The following DGKZ variants were observed in gnomAD, a reference collection of about 807,000 sequenced individuals.
The protein encoded by DGKZ is diacylglycerol kinase zeta, also known as DAG kinase zeta.
A neutral mutation model predicts 142.5 loss-of-function variants in DGKZ; 45 were observed. The ratio of observed to expected loss-of-function variants is 0.32; its 90% CI spans 0.25 to 0.40. DGKZ has a LOEUF of 0.40. Ranked by LOEUF, DGKZ falls within the 10% of genes least tolerant of loss-of-function variation. DGKZ has a pLI of 1.00. For synonymous variants in DGKZ, 442 were observed against 527.0 expected (o/e 0.84, Z 2.21); for missense variants, 755 against 1,306.5 (o/e 0.58, Z 6.51).
At position 46,378,984 on chromosome 11, in the gene DGKZ, C is replaced by A; in HGVS notation, c.2419-7C>A. On this transcript the variant is annotated splice_region_variant and splice_polypyrimidine_tract_variant and intron_variant, in intron 27 of 30. Transcript: ENST00000527911. ...AGGTCCAGCCCTGCCATGCCTCCTG[C>A]CCTCAGCTCCAGGAGCTGCACCGAG... is the stretch of plus-strand genomic sequence containing the variant. 1 of 1,537,856 alleles carries A rather than the reference C, an allele frequency of 6.5e-7. No individual in the cohort carries two copies.
At chr11:46,369,816 C>A (rs1403823856) in intron 5 of DGKZ, 125 bp from the exon 6 acceptor site, 5 of 1,066,858 alleles carry the variant, frequency 4.7e-6, no homozygotes, top group African/African-American at 1.6e-5. Context: ...TTAGCCCCTC[C>A]TCCACTCATG....
chr11:46,373,297 T>G (rs1197902980), intron 14 of DGKZ, among the ~76,000 whole-genome samples, 196 bp downstream of exon 14: 112 of 143,196 alleles, frequency 7.8e-4, no homozygotes, highest in Admixed American at 2.0e-3. Flanking sequence ...TTTTTTTTTT[T>G]TTTTTTTGAG....
intron 1 of DGKZ, among the ~76,000 whole-genome samples, chr11:46,361,139 A>G (rs1007682748): frequency 5.3e-5 from 8 of 152,250 alleles, no homozygotes; most frequent in African/African-American, 1.9e-4. Context: ...GAAACACTCC[A>G]CAGATACTTA....
rs114535160 is a variant in DGKZ at position 46,336,961 on chromosome 11, C to T, written c.212+3474C>T. Among the ~76,000 whole-genome samples, 1,291 of 152,196 alleles carry T rather than the reference C, an allele frequency of 8.5e-3. 24 individuals carry two copies. The highest frequency in any genetic ancestry group is 0.03 in the African/African-American group (1,228 of 41,518). Reference sequence around the variant, plus strand: ...GCTTAAGCACAAGAATTCGAGGCTGCGGTGAGCCACAATTGCGCCACTGCA... The same window carrying T: ...GCTTAAGCACAAGAATTCGAGGCTGTGGTGAGCCACAATTGCGCCACTGCA... On this transcript the variant is annotated intron_variant, in intron 1 of 30. Coordinates refer to the DGKZ transcript ENST00000343674.
upstream of DGKZ, among the ~76,000 whole-genome samples, chr11:46,344,515 G>A (rs970765676): frequency 4.7e-5 from 7 of 149,054 alleles, no homozygotes; most frequent in Admixed American, 4.0e-4. Context: ...GTGCAGTGGC[G>A]CGAACTCGGC....
chr11:46,353,060 C>G (rs964670520), intron 1 of DGKZ, among the ~76,000 whole-genome samples: 1 of 152,248 alleles, frequency 6.6e-6, no homozygotes, highest in African/African-American at 2.4e-5. Context: ...GAGGGAGAGG[C>G]TGAAGAGACA....
intron 1 of DGKZ, among the ~76,000 whole-genome samples, chr11:46,354,634 A>G (rs1247560309): frequency 6.6e-6 from 1 of 152,336 alleles, no homozygotes; most frequent in Middle Eastern, 3.4e-3. Flanking sequence ...TTTGCTTTAG[A>G]TAGAGATGGA....
intron 25 of DGKZ, chr11:46,377,641 T>C (rs1944707297): frequency 4.4e-6 from 1 of 225,606 alleles, no homozygotes; most frequent in Non-Finnish European, 8.7e-6. Flanking sequence ...TAGAAGCTTC[T>C]TTCTCAGCAG....
intron 29 of DGKZ, 40 bp from the exon 30 acceptor site, chr11:46,379,429 G>A (rs1944960319): frequency 1.3e-6 from 2 of 1,594,710 alleles, no homozygotes; most frequent in African/African-American, 1.3e-5. Flanking sequence ...GGTGGATCAG[G>A]GGACGGGATG....
chr11:46,364,139 G>A (rs957096948), intron 1 of DGKZ, among the ~76,000 whole-genome samples: 3 of 152,222 alleles, frequency 2.0e-5, no homozygotes, highest in African/African-American at 7.2e-5. Flanking sequence ...GTTCCAGGAG[G>A]AAGGACCCTG....
At position 46,369,985 on chromosome 11, in the gene DGKZ, C is replaced by T. The variant is rs534767600; in HGVS notation, c.546C>T (p.Asp182=). ...ACTGGGTACACAGACGACGCCAGGA[C>T]GGCAAGTGTCGGCACTGTGGGAAGG... The change falls in exon 6 of 31, where the codon GAC becomes GAT. Residue 182 remains aspartate (D), a synonymous_variant. Coordinates refer to ENST00000527911, the Ensembl canonical transcript of DGKZ. 2.9e-5 allele frequency: 46 copies of T among 1,613,728 alleles called. No homozygotes were observed. The Admixed American group carries it at 4.3e-4, about 15-fold the overall frequency.
chr11:46,378,006 T>C (rs1175227710), intron 25 of DGKZ, 192 bp from the exon 26 acceptor site: 2 of 661,700 alleles, frequency 3.0e-6, no homozygotes, highest in Non-Finnish European at 5.3e-6. Context: ...AACTAGAATG[T>C]AAGCTCCATG....
chr11:46,367,432 C>T lies in DGKZ; in HGVS notation c.270+33C>T, dbSNP rs777998831. ...CCTGAACACCCCTGGGTCCCAGACC[C>T]TCTGGGCTCTTGGCCAAGGCGCAGC... On this transcript the variant is annotated intron_variant, in intron 2 of 30. Transcript: ENST00000527911. This position sits in a 1 kb window ranked among gnomAD's most constrained non-coding sequence, Gnocchi z 4.1. 4.4e-6 allele frequency: 7 copies of T among 1,600,806 alleles called. No individual in the cohort carries two copies. Among genetic ancestry groups the T allele is most frequent in the East Asian group, 2.2e-5 (1 of 44,738 alleles).
chr11:46,335,590 A>G (rs1939976841), intron 1 of DGKZ, among the ~76,000 whole-genome samples: 2 of 152,204 alleles, frequency 1.3e-5, no homozygotes, highest in African/African-American at 4.8e-5. Context: ...CCCTGCCTCC[A>G]GGTTACCTGT....
In DGKZ at chr11:46,369,937, C is replaced by G; in HGVS notation, c.502-4C>G. 1 of 1,613,980 alleles carries G rather than the reference C, an allele frequency of 6.2e-7. No individual in the cohort carries two copies. The highest frequency in any genetic ancestry group is 8.5e-7 in the Non-Finnish European group (1 of 1,180,040). On this transcript the variant is annotated splice_polypyrimidine_tract_variant and splice_region_variant and intron_variant, in intron 5 of 30. Coordinates refer to ENST00000527911, the Ensembl canonical transcript of DGKZ. Reference sequence around the variant, plus strand: ...CCAGTGAAATTTTTCCCCTTCTCCCCCAGCCAACCTTTGTACGGCACCACT... The same window carrying G: ...CCAGTGAAATTTTTCCCCTTCTCCCGCAGCCAACCTTTGTACGGCACCACT...
At chr11:46,333,558 C>A in intron 1 of DGKZ, 1 of 1,394,312 alleles carries the variant, frequency 7.2e-7, no homozygotes, top group Admixed American at 2.0e-5. Context: ...ATTGCACAAA[C>A]GTTTATTGTG....
At chr11:46,365,390 G>A in intron 1 of DGKZ, 3 of 985,434 alleles carry the variant, frequency 3.0e-6, no homozygotes, top group Non-Finnish European at 3.6e-6. Context: ...GAGCAGTCGA[G>A]CACCAGAAAG....
Position 46,374,920 on chromosome 11 carries a change from G to A in DGKZ, c.1599-14G>A, listed in dbSNP as rs752253937. Reference sequence around the variant, plus strand: ...ACTGTGTTTTGAGGCCCATGTCATCGCCCGCCTTTGCAGGTACTGTGCGGG... The same window carrying A: ...ACTGTGTTTTGAGGCCCATGTCATCACCCGCCTTTGCAGGTACTGTGCGGG... On this transcript the variant is annotated splice_polypyrimidine_tract_variant and intron_variant, in intron 18 of 30. Transcript: ENST00000527911. The A allele has an allele frequency of 2.4e-5, 38 of 1,580,426 alleles. No homozygotes were observed. The highest frequency in any genetic ancestry group is 3.1e-5 in the Non-Finnish European group (36 of 1,158,078).
At chr11:46,350,720 T>C (rs889067788) in intron 1 of DGKZ, among the ~76,000 whole-genome samples, 4 of 152,198 alleles carry the variant, frequency 2.6e-5, no homozygotes, top group Admixed American at 1.3e-4. Context: ...TTTGCCATCC[T>C]GGCCCCTCTG....
Sources: allele counts gnomAD v4.1 joint callset (sites outside exome capture counted in the v4.1 genomes callset), GRCh38; gene constraint gnomAD v4.1.1; non-coding constraint Gnocchi (gnomAD v3.1); transcripts MANE v1.5; gene names NCBI Gene and HGNC (gene_info 2026-07-23, HGNC 2026-07-21).